LHCGR: variants seen among roughly 807,000 people sequenced by gnomAD.
LHCGR encodes the protein lutropin-choriogonadotropic hormone receptor.
A neutral mutation model predicts 60.7 loss-of-function variants in LHCGR; 55 were observed. That is an observed-to-expected ratio of 0.91 (90% CI 0.73 to 1.13). The LOEUF (loss-of-function observed/expected upper bound fraction) is 1.13, where lower values mean the gene tolerates loss of function less well. Ranked by LOEUF, LHCGR falls within the 50% of genes most tolerant of loss-of-function variation. LHCGR has a pLI of 0.00. For missense variants in LHCGR, 862 were observed against 836.0 expected (o/e 1.03, Z -0.38); for synonymous variants, 337 against 316.5 (o/e 1.06, Z -0.69).
intron 7 of LHCGR, among the ~76,000 whole-genome samples, chr2:48,712,240 C>A (rs1469485352): frequency 2.0e-5 from 3 of 152,058 alleles, no homozygotes; most frequent in Non-Finnish European, 4.4e-5. Context: ...AGTTAGTAGT[C>A]AATGTGCAGT....
At chr2:48,694,330 C>G (rs372605154) in intron 9 of LHCGR, 26 bp from the exon 10 acceptor site, 1 of 1,477,218 alleles carries the variant, frequency 6.8e-7, no homozygotes, top group South Asian at 1.2e-5. Flanking sequence ...TTAAAAAAAG[C>G]ATTTGAGCTT....
In LHCGR at chr2:48,694,293, G is replaced by A. The variant is rs752091818; in HGVS notation, c.878C>T (p.Ser293Leu). 1.3e-6 allele frequency: 2 copies of A among 1,596,406 alleles called. No homozygotes were observed. Among genetic ancestry groups the A allele is most frequent in the East Asian group, 2.2e-5 (1 of 44,638 alleles). ...GGAAAAGTTTTCAGAAATGGAATGT[G>A]AAAAATTCTGTCTGAAAGAGAAGAG... ...RNLPTKEQNF[S>L]HSISENFSKQ... Residue 293 changes from serine to leucine, a missense_variant, in exon 10 of 11, where the codon TCA (serine) becomes TTA (leucine). Transcript: ENST00000294954.
chr2:48,755,637 T>A lies in LHCGR; in HGVS notation c.35A>T (p.Lys12Met). 7.0e-7 allele frequency: 1 copy of A among 1,419,364 alleles called. No homozygotes were observed. Among genetic ancestry groups the A allele is most frequent in the Non-Finnish European group, 9.6e-7 (1 of 1,042,322 alleles). The allele number at this position is 1,419,364 out of a possible 1,614,324, so 87.9% of individuals were successfully genotyped here. A position where few individuals can be genotyped will look rare whatever the true frequency, so the allele number is the denominator to read the frequency against. ...KQRFSALQLL[K>M]LLLLLQPPLP... ...CGGCGGCTGCAGCAGCAGCAGCAGC[T>A]TCAGCAGCTGCAGCGCCGAGAACCG... Residue 12 changes from lysine to methionine, a missense_variant, in exon 1 of 11, where the codon AAG becomes ATG. Transcript: ENST00000294954.
chr2:48,729,311 C>T (rs897673668), intron 2 of LHCGR, 84 bp from the exon 3 acceptor site: 25 of 1,044,760 alleles, frequency 2.4e-5, no homozygotes, highest in Middle Eastern at 2.0e-4. Context: ...TGTGTGTGAC[C>T]CAACAACTGG....
intron 10 of LHCGR, among the ~76,000 whole-genome samples, chr2:48,691,445 T>C (rs1002654030): frequency 6.6e-5 from 10 of 152,380 alleles, no homozygotes; most frequent in Middle Eastern, 6.8e-3. Context: ...CATTTGTTTG[T>C]CCTCTTCTCA....
rs561905396 is a variant in LHCGR at position 48,735,318 on chromosome 2, G to A, written c.162-4020C>T. On this transcript the variant is annotated intron_variant, in intron 1 of 10. Transcript: ENST00000294954. ...ATGACTCTGGCGAGGCTTGTGCATCGTCTAAACTGGACCCAATAATATTAA... is the reference window on the plus strand; with the variant it reads ...ATGACTCTGGCGAGGCTTGTGCATCATCTAAACTGGACCCAATAATATTAA... Among the ~76,000 whole-genome samples the A allele has an allele frequency of 1.7e-4, 26 of 152,346 alleles. No homozygotes were observed. In the East Asian group the frequency reaches 1.9e-3, roughly 11 times the overall value.
At chr2:48,709,163 G>T (rs143250804) in intron 7 of LHCGR, 141 bp from the exon 8 acceptor site, 3 of 720,354 alleles carry the variant, frequency 4.2e-6, no homozygotes, top group African/African-American at 3.5e-5. Flanking sequence ...GAGGGAAAGT[G>T]GGAAAAAGAC....
chr2:48,712,545 A>G (rs1668044374), intron 7 of LHCGR, among the ~76,000 whole-genome samples: 2 of 152,202 alleles, frequency 1.3e-5, no homozygotes, highest in South Asian at 2.1e-4. Context: ...CATCAAGTCA[A>G]AAAGAACATG....
At chr2:48,745,702 G>A (rs1285586111) in intron 1 of LHCGR, among the ~76,000 whole-genome samples, 4 of 118,780 alleles carry the variant, frequency 3.4e-5, no homozygotes, top group African/African-American at 1.3e-4. Flanking sequence ...GTTGTGGGGT[G>A]GGGGGAGGGG....
Position 48,687,443 on chromosome 2 carries a change from T to C in LHCGR, c.*254A>G, listed in dbSNP as rs1029534522. ...TTTTAAAAGATTCATCAAACAAAAT[T>C]ACTGTGTCAAAATTTCTATAAAAAT... On this transcript the variant is annotated 3_prime_UTR_variant, in exon 11 of 11. Transcript: ENST00000294954. The C allele has an allele frequency of 9.9e-6, 4 of 405,286 alleles. No individual in the cohort carries two copies. The highest frequency in any genetic ancestry group is 1.8e-5 in the Non-Finnish European group (4 of 227,410). 25.1% of individuals were successfully genotyped at this position (405,286 alleles called of 1,614,324 possible). A position where few individuals can be genotyped will look rare whatever the true frequency, so the allele number is the denominator to read the frequency against.
intron 1 of LHCGR, among the ~76,000 whole-genome samples, chr2:48,740,072 G>T (rs574170626): frequency 1.3e-5 from 2 of 152,314 alleles, no homozygotes; most frequent in South Asian, 2.1e-4. Context: ...GTCAAAGAAA[G>T]GGGTGACAGA....
At position 48,698,715 on chromosome 2, in the gene LHCGR, G is replaced by C. The variant is rs1558819318; in HGVS notation, c.766C>G (p.Leu256Val). 2 of 1,614,128 alleles carry C rather than the reference G, an allele frequency of 1.2e-6. No individual in the cohort carries two copies. Among genetic ancestry groups the C allele is most frequent in the East Asian group, 2.2e-5 (1 of 44,888 alleles). Residue 256 changes from leucine (L) to valine (V), a missense_variant, in exon 9 of 11, where the codon CTA becomes GTA. Coordinates refer to ENST00000294954, the MANE Select transcript of LHCGR (RefSeq NM_000233.4). ...QRLIATSSYS[L>V]KKLPSRETFV... The stretch of plus-strand genomic sequence containing the variant: ...GTTTCTCTTGATGGCAATTTTTTTA[G>C]AGAATAGGATGACGTGGCAATTAGC...
In LHCGR at chr2:48,729,875, A is replaced by G. The variant is rs140263731; in HGVS notation, c.234-648T>C. 7.6e-4 allele frequency among the ~76,000 whole-genome samples: 116 copies of G among 152,340 alleles called. 1 individual carries two copies. Among genetic ancestry groups the G allele is most frequent in the African/African-American group, 2.6e-3 (110 of 41,580 alleles). ...TCACTTCTGAATCCTTGGTGGCTTC[A>G]TGTTGCTTGGCACAGCGTTAAGAGT... On this transcript the variant is annotated intron_variant, in intron 2 of 10. Transcript: ENST00000294954.
intron 10 of LHCGR, among the ~76,000 whole-genome samples, chr2:48,691,960 T>C (rs1402047383): frequency 6.6e-6 from 1 of 152,054 alleles, no homozygotes; most frequent in African/African-American, 2.4e-5. Flanking sequence ...CTCTTGGGGA[T>C]AGTGACAGTG....
intron 1 of LHCGR, among the ~76,000 whole-genome samples, chr2:48,740,581 G>C (rs992332720): frequency 3.3e-5 from 5 of 152,148 alleles, no homozygotes; most frequent in East Asian, 1.9e-4. Context: ...AGTAGGGGCA[G>C]ACTGACACCT....
At position 48,721,555 on chromosome 2, in the gene LHCGR, T is replaced by A. The variant is rs1412048256; in HGVS notation, c.536+1901A>T. 8.3e-6 allele frequency: 3 copies of A among 359,750 alleles called. No individual in the cohort carries two copies. The East Asian group carries it at 2.2e-4, about 26-fold the overall frequency. 22.3% of individuals were successfully genotyped at this position (359,750 alleles called of 1,614,324 possible). ...TGGTCACAGCTTTGTAACATGACAA[T>A]TATACATGTAAAATTACATCTACAC... On this transcript the variant is annotated intron_variant, in intron 6 of 10. Transcript: ENST00000294954.
intron 9 of LHCGR, among the ~76,000 whole-genome samples, chr2:48,698,180 G>GT (rs964819345): frequency 5.3e-5 from 8 of 152,142 alleles, no homozygotes; most frequent in Non-Finnish European, 1.2e-4. Context: ...GAGAGAAATA[G>GT]TTTTGAAAAC....
intron 10 of LHCGR, among the ~76,000 whole-genome samples, chr2:48,690,346 A>C (rs889969321): frequency 6.6e-6 from 1 of 152,214 alleles, no homozygotes; most frequent in Admixed American, 6.5e-5. Context: ...CATGGCTCGT[A>C]CAGGCTGTGT....
intron 8 of LHCGR, among the ~76,000 whole-genome samples, chr2:48,702,328 T>C (rs1667452081): frequency 1.3e-5 from 2 of 152,020 alleles, no homozygotes; most frequent in South Asian, 4.2e-4. Flanking sequence ...GTTTGTTACA[T>C]AGGTATACAT....
Sources: allele counts gnomAD v4.1 joint callset (sites outside exome capture counted in the v4.1 genomes callset), GRCh38; gene constraint gnomAD v4.1.1; transcripts MANE v1.5; gene names NCBI Gene and HGNC (gene_info 2026-07-23, HGNC 2026-07-21).